The following TNFSF4 variants were observed in gnomAD, a reference collection of about 807,000 sequenced individuals.
The protein encoded by TNFSF4 is tumor necrosis factor ligand superfamily member 4.
In TNFSF4, 4 loss-of-function variants were observed where a neutral mutation model predicts 7.3. The observed-to-expected ratio is 0.55, with a 90% CI of 0.27 to 1.25. The LOEUF is 1.25. Among genes scored for constraint, TNFSF4 ranks in the 50% most tolerant of loss-of-function variants. The pLI is 0.12. For synonymous variants in TNFSF4, 76 were observed against 83.7 expected, an observed-to-expected ratio of 0.91 and a Z score of 0.50; for missense variants, 181 against 208.8, an observed-to-expected ratio of 0.87 and a Z score of 0.82.
chr1:173,403,182 G>A, the TNFSF4 span, among the ~76,000 whole-genome samples: 1 of 152,144 alleles, frequency 6.6e-6, no homozygotes, highest in African/African-American at 2.4e-5. Flanking sequence ...AAGTTTTCAG[G>A]TGATAACTGA....
upstream of TNFSF4, among the ~76,000 whole-genome samples, chr1:173,207,826 T>A (rs1253838200): frequency 6.6e-6 from 1 of 152,216 alleles, no homozygotes; most frequent in Non-Finnish European, 1.5e-5. Context: ...TTGGTTGTAG[T>A]CTATTGCATA....
chr1:173,369,251 A>G, the TNFSF4 span, among the ~76,000 whole-genome samples: 4 of 152,194 alleles, frequency 2.6e-5, no homozygotes, highest in Admixed American at 2.6e-4. Context: ...TCATCTTTAT[A>G]GGACAAGTGT....
At chr1:173,441,614 ACT>A in the TNFSF4 span, among the ~76,000 whole-genome samples, 1 of 151,988 alleles carries the variant, frequency 6.6e-6, no homozygotes, top group East Asian at 1.9e-4. Flanking sequence ...ACAGAGCGAG[ACT>A]CTGTCTCAAA....
the TNFSF4 span, among the ~76,000 whole-genome samples, chr1:173,259,993 C>A: frequency 6.6e-6 from 1 of 152,060 alleles, no homozygotes; most frequent in South Asian, 2.1e-4. Flanking sequence ...CCAGAGAACC[C>A]CACTAAGATA....
the TNFSF4 span, among the ~76,000 whole-genome samples, chr1:173,404,060 C>G: frequency 6.6e-6 from 1 of 152,072 alleles, no homozygotes; most frequent in African/African-American, 2.4e-5. Context: ...CATTGCAGAG[C>G]GTGGAATGCA....
the TNFSF4 span, among the ~76,000 whole-genome samples, chr1:173,177,532 A>T: frequency 6.6e-6 from 1 of 152,202 alleles, no homozygotes; most frequent in African/African-American, 2.4e-5. Context: ...CCAAACTTCC[A>T]TGACACACAA....
chr1:173,253,885 G>T, the TNFSF4 span, among the ~76,000 whole-genome samples: 1 of 152,202 alleles, frequency 6.6e-6, no homozygotes, highest in Non-Finnish European at 1.5e-5. Context: ...TAGATAAGAA[G>T]TCAATATGCA....
intron 1 of TNFSF4, among the ~76,000 whole-genome samples, chr1:173,201,804 A>C (rs1189008528): frequency 4.6e-5 from 7 of 152,174 alleles, no homozygotes; most frequent in Admixed American, 3.3e-4. Flanking sequence ...AAATATACAA[A>C]GCATAGGATG....
chr1:173,414,530 T>C, the TNFSF4 span, among the ~76,000 whole-genome samples: 1 of 152,254 alleles, frequency 6.6e-6, no homozygotes, highest in Non-Finnish European at 1.5e-5. Flanking sequence ...TTAAAGTTCT[T>C]GTCCAAGATC....
At chr1:173,449,887 C>A in the TNFSF4 span, among the ~76,000 whole-genome samples, 1 of 152,022 alleles carries the variant, frequency 6.6e-6, no homozygotes, top group South Asian at 2.1e-4. Flanking sequence ...AGAAAAAGAA[C>A]AGAATAAACC....
the TNFSF4 span, among the ~76,000 whole-genome samples, chr1:173,225,280 C>G: frequency 6.6e-6 from 1 of 152,238 alleles, no homozygotes. Context: ...CTTATCTTCT[C>G]TAAGTCTTTC....
the TNFSF4 span, among the ~76,000 whole-genome samples, chr1:173,307,059 A>T: frequency 0.14 from 21,368 of 151,892 alleles, 2,313 homozygotes; most frequent in African/African-American, 0.3. Context: ...TGGCAACCTC[A>T]TCTGTTTCAG....
At chr1:173,255,080 A>G in the TNFSF4 span, among the ~76,000 whole-genome samples, 2 of 152,156 alleles carry the variant, frequency 1.3e-5, no homozygotes, top group African/African-American at 4.8e-5. Context: ...TCTCTTTTTC[A>G]AGTAACCTGT....
At chr1:173,320,497 G>T in the TNFSF4 span, among the ~76,000 whole-genome samples, 1 of 152,046 alleles carries the variant, frequency 6.6e-6, no homozygotes, top group African/African-American at 2.4e-5. Context: ...GCGGGAAAAA[G>T]AAATAAAGGG....
chr1:173,391,449 A>C, the TNFSF4 span, among the ~76,000 whole-genome samples: 7 of 129,426 alleles, frequency 5.4e-5, no homozygotes, highest in Non-Finnish European at 8.8e-5. Flanking sequence ...AAAAAAAAAA[A>C]AAAAAAAAAA....
At chr1:173,413,321 TGG>T in the TNFSF4 span, among the ~76,000 whole-genome samples, 1 of 152,272 alleles carries the variant, frequency 6.6e-6, no homozygotes, top group East Asian at 1.9e-4. Context: ...ACTTCCTATG[TGG>T]GGGTTCTGAA....
chr1:173,337,586 C>T, the TNFSF4 span, among the ~76,000 whole-genome samples: 1 of 152,298 alleles, frequency 6.6e-6, no homozygotes, highest in East Asian at 1.9e-4. Context: ...TCAGGCACCA[C>T]CCAAAAGTGG....
chr1:173,250,468 T>G, the TNFSF4 span, among the ~76,000 whole-genome samples: 8 of 150,882 alleles, frequency 5.3e-5, no homozygotes, highest in South Asian at 1.7e-3. Context: ...TTTTTGTTTT[T>G]TTTTTTTTTG....
At chr1:173,195,123 T>C (rs1571193530) in intron 1 of TNFSF4, among the ~76,000 whole-genome samples, 1 of 152,134 alleles carries the variant, frequency 6.6e-6, no homozygotes, top group Non-Finnish European at 1.5e-5. Context: ...TAACATCCCT[T>C]CTCTTTATCC....
Sources: gnomAD v4.1 joint callset for allele counts (sites outside exome capture counted in the v4.1 genomes callset) on GRCh38, gnomAD v4.1.1 for gene constraint, MANE v1.5 for transcripts, NCBI Gene and HGNC (gene_info 2026-07-23, HGNC 2026-07-21) for gene names.